PLXDC2: variants seen among roughly 807,000 people sequenced by gnomAD.
The protein encoded by PLXDC2 is plexin domain containing 2.
Under a neutral mutation model 68.9 loss-of-function variants are expected in PLXDC2, and 40 were observed. That is an observed-to-expected ratio of 0.58 (90% CI 0.45 to 0.76). The LOEUF (loss-of-function observed/expected upper bound fraction) is 0.76. Ranked by LOEUF, PLXDC2 falls within the 30% of genes least tolerant of loss-of-function variation. PLXDC2 has a pLI of 0.00. For missense variants in PLXDC2, 644 were observed against 661.9 expected (o/e 0.97, Z 0.30); for synonymous variants, 243 against 234.2 (o/e 1.04, Z -0.34).
chr10:20,030,732 C>T (rs894802095), intron 2 of PLXDC2, among the ~76,000 whole-genome samples: 10 of 152,044 alleles, frequency 6.6e-5, no homozygotes, highest in African/African-American at 1.4e-4. Flanking sequence ...GAGAGGTGAG[C>T]GCTGATTAGT....
chr10:20,125,714 C>T (rs79818076), intron 4 of PLXDC2, among the ~76,000 whole-genome samples: 5,614 of 151,996 alleles, frequency 0.037, 131 homozygotes, highest in South Asian at 0.068. Flanking sequence ...TGTGTTGTTT[C>T]GAGCAATTGC....
At chr10:20,140,443 G>GTCTATCTA (rs1564330265) in intron 4 of PLXDC2, among the ~76,000 whole-genome samples, 17 of 150,312 alleles carry the variant, frequency 1.1e-4, no homozygotes, top group South Asian at 4.2e-4. Context: ...CTATCTATCC[G>GTCTATCTA]TCTAATCTTT....
chr10:19,884,893 G>C (rs1485817880), intron 1 of PLXDC2, among the ~76,000 whole-genome samples: 2 of 152,280 alleles, frequency 1.3e-5, no homozygotes, highest in East Asian at 3.9e-4. Flanking sequence ...GGGTCAAATG[G>C]TATTTCTAGT....
intron 1 of PLXDC2, among the ~76,000 whole-genome samples, chr10:19,826,565 A>G (rs891566692): frequency 2.0e-5 from 3 of 152,146 alleles, no homozygotes. Flanking sequence ...AACAAATTTT[A>G]TTTCACATTT....
intron 1 of PLXDC2, among the ~76,000 whole-genome samples, chr10:19,997,002 C>T (rs1174546698): frequency 2.0e-5 from 3 of 152,170 alleles, no homozygotes; most frequent in African/African-American, 7.2e-5. Flanking sequence ...GGTGGGGACA[C>T]AGCCAAACCA....
intron 4 of PLXDC2, among the ~76,000 whole-genome samples, chr10:20,093,351 G>C (rs930937936): frequency 5.3e-5 from 8 of 152,136 alleles, no homozygotes; most frequent in Admixed American, 3.9e-4. Context: ...AGGATGTTAG[G>C]ATTATCAATA....
chr10:20,265,964 T>G (rs11011922), intron 13 of PLXDC2, among the ~76,000 whole-genome samples: 38,054 of 151,950 alleles, frequency 0.25, 4,942 homozygotes, highest in African/African-American at 0.31. Context: ...ATGGAAGAAC[T>G]GGGATCCACA....
chr10:19,924,765 T>G (rs1833510991), intron 1 of PLXDC2, among the ~76,000 whole-genome samples: 1 of 152,236 alleles, frequency 6.6e-6, no homozygotes. Flanking sequence ...GTAAAGACAT[T>G]CAACTTCTTG....
chr10:20,076,472 C>G (rs1018541228), intron 4 of PLXDC2, among the ~76,000 whole-genome samples: 5 of 152,136 alleles, frequency 3.3e-5, no homozygotes, highest in African/African-American at 4.8e-5. Context: ...GTTGTGATGA[C>G]TAAATTAATT....
chr10:19,962,702 C>T (rs1406883849), intron 1 of PLXDC2, among the ~76,000 whole-genome samples: 1 of 147,406 alleles, frequency 6.8e-6, no homozygotes, highest in Non-Finnish European at 1.5e-5. Flanking sequence ...GCCATCTTTA[C>T]TTATAAATTG....
chr10:19,997,236 A>C (rs1434407765), intron 1 of PLXDC2, among the ~76,000 whole-genome samples: 1 of 152,238 alleles, frequency 6.6e-6, no homozygotes. Context: ...CGACATACCT[A>C]AAGATATAAC....
chr10:19,960,790 G>A (rs987464467), intron 1 of PLXDC2, among the ~76,000 whole-genome samples: 2 of 152,052 alleles, frequency 1.3e-5, no homozygotes, highest in African/African-American at 2.4e-5. Flanking sequence ...ACATGAAAGC[G>A]ACACAGACCT....
chr10:20,168,997 C>T (rs939943504), intron 7 of PLXDC2, among the ~76,000 whole-genome samples: 1 of 152,184 alleles, frequency 6.6e-6, no homozygotes, highest in South Asian at 2.1e-4. Flanking sequence ...ATATATAAAA[C>T]ATATTTTTTA....
At chr10:20,242,730 A>T (rs903966215) in intron 12 of PLXDC2, among the ~76,000 whole-genome samples, 2 of 152,088 alleles carry the variant, frequency 1.3e-5, no homozygotes, top group Non-Finnish European at 2.9e-5. Context: ...CTTTTTTATG[A>T]GGTGGAGTCT....
chr10:19,947,707 CTTTTTTT>C (rs34439585), intron 1 of PLXDC2, among the ~76,000 whole-genome samples: 1 of 120,974 alleles, frequency 8.3e-6, no homozygotes, highest in African/African-American at 3.0e-5. Context: ...TTCTTTCTTT[CTTTTTTT>C]TTTTTTTTTG....
At chr10:19,997,627 A>G (rs1279475870) in intron 1 of PLXDC2, among the ~76,000 whole-genome samples, 1 of 152,250 alleles carries the variant, frequency 6.6e-6, no homozygotes, top group Non-Finnish European at 1.5e-5. Flanking sequence ...AATCATTAGA[A>G]TAATACATAA....
chr10:20,188,505 G>A (rs1834716190), intron 9 of PLXDC2, among the ~76,000 whole-genome samples: 1 of 151,596 alleles, frequency 6.6e-6, no homozygotes, highest in Non-Finnish European at 1.5e-5. Flanking sequence ...CCAGGGATTT[G>A]GCTTTTTAAT....
chr10:19,843,727 C>G (rs1836948215), intron 1 of PLXDC2, among the ~76,000 whole-genome samples: 1 of 152,076 alleles, frequency 6.6e-6, no homozygotes, highest in African/African-American at 2.4e-5. Flanking sequence ...AATGTGATCT[C>G]CTGGAGCTAA....
chr10:19,979,823 C>A (rs553320368), intron 1 of PLXDC2, among the ~76,000 whole-genome samples: 2 of 152,330 alleles, frequency 1.3e-5, no homozygotes, highest in South Asian at 4.1e-4. Context: ...CATCTTCCCA[C>A]TTCCTAAAAT....
Sources: allele counts gnomAD v4.1 joint callset (sites outside exome capture counted in the v4.1 genomes callset), GRCh38; gene constraint gnomAD v4.1.1; transcripts MANE v1.5; gene names NCBI Gene and HGNC (gene_info 2026-07-23, HGNC 2026-07-21).